DDX46: variants seen among roughly 807,000 people sequenced by gnomAD.
The protein encoded by DDX46 is probable ATP-dependent RNA helicase DDX46.
A neutral mutation model predicts 134.9 loss-of-function variants in DDX46; 30 were observed. The ratio of observed to expected loss-of-function variants is 0.22; its 90% CI spans 0.17 to 0.30. DDX46 has a LOEUF of 0.30. Ranked by LOEUF, DDX46 falls within the 10% of genes least tolerant of loss-of-function variation. DDX46 has a pLI of 1.00. For missense variants in DDX46, 622 were observed against 1,248.7 expected, an observed-to-expected ratio of 0.50 and a Z score of 7.56; for synonymous variants, 415 against 404.1, an observed-to-expected ratio of 1.03 and a Z score of -0.32.
chr5:134,766,177 A>T (rs1401270753), intron 2 of DDX46, among the ~76,000 whole-genome samples: 1 of 152,158 alleles, frequency 6.6e-6, no homozygotes, highest in Non-Finnish European at 1.5e-5. Context: ...GGCTATCTGA[A>T]ACTAGATATT....
intron 19 of DDX46, 56 bp from the exon 20 acceptor site, chr5:134,817,440 C>T: frequency 6.5e-7 from 1 of 1,536,396 alleles, no homozygotes; most frequent in East Asian, 2.3e-5. Flanking sequence ...GTGGTGTGGT[C>T]CCTACTCTTG....
intron 22 of DDX46, among the ~76,000 whole-genome samples, chr5:134,827,956 A>G (rs946336114): frequency 3.9e-5 from 6 of 152,340 alleles, no homozygotes; most frequent in East Asian, 3.9e-4. Flanking sequence ...GGTTACATCA[A>G]TTCACACTCA....
At chr5:134,769,537 G>GT (rs958694405) in intron 3 of DDX46, among the ~76,000 whole-genome samples, 2 of 134,812 alleles carry the variant, frequency 1.5e-5, no homozygotes, top group African/African-American at 5.6e-5. Flanking sequence ...TGTTTTTTTT[G>GT]TTTGTTTTTT....
intron 12 of DDX46, among the ~76,000 whole-genome samples, chr5:134,789,730 C>A (rs1171424045): frequency 6.6e-6 from 1 of 151,998 alleles, no homozygotes. Context: ...ATTGATTCAA[C>A]AGTTGATAGC....
chr5:134,817,247 C>T (rs1755310560), intron 19 of DDX46: 3 of 424,318 alleles, frequency 7.1e-6, no homozygotes, highest in East Asian at 8.2e-5. Flanking sequence ...AACTACATCT[C>T]TATGATCTAG....
intron 15 of DDX46, among the ~76,000 whole-genome samples, chr5:134,806,482 G>A (rs1242582856): frequency 6.6e-6 from 1 of 152,102 alleles, no homozygotes; most frequent in Non-Finnish European, 1.5e-5. Context: ...TGTTAGTAAG[G>A]ATACTTTAGG....
intron 2 of DDX46, among the ~76,000 whole-genome samples, 181 bp downstream of exon 2, chr5:134,764,273 G>C (rs1753488550): frequency 6.9e-6 from 1 of 145,338 alleles, no homozygotes; most frequent in South Asian, 2.2e-4. Flanking sequence ...CTATCAAACA[G>C]TGTTTTTTTT....
At chr5:134,819,170 A>G (rs952617740) in intron 21 of DDX46, among the ~76,000 whole-genome samples, 166 bp downstream of exon 21, 3 of 152,240 alleles carry the variant, frequency 2.0e-5, no homozygotes, top group South Asian at 2.1e-4. Context: ...TAAGAATTTC[A>G]GTACATATGC....
chr5:134,783,104 C>G (rs1344983498), intron 9 of DDX46, 39 bp downstream of exon 9: 2 of 1,606,292 alleles, frequency 1.2e-6, no homozygotes, highest in Non-Finnish European at 1.7e-6. Context: ...CCGTGTCTTG[C>G]TGCTCAAAAT....
intron 3 of DDX46, among the ~76,000 whole-genome samples, chr5:134,768,819 G>A (rs1580773779): frequency 6.6e-6 from 1 of 152,122 alleles, no homozygotes; most frequent in Non-Finnish European, 1.5e-5. Flanking sequence ...CTAGCACTTT[G>A]GGAGGCCGAG....
chr5:134,795,954 A>G, intron 14 of DDX46, 34 bp from the exon 15 acceptor site: 1 of 1,589,852 alleles, frequency 6.3e-7, no homozygotes, highest in Non-Finnish European at 8.6e-7. Context: ...TTGCATTTTC[A>G]CTTCATTAAC....
intron 15 of DDX46, among the ~76,000 whole-genome samples, chr5:134,800,979 G>A (rs1412170554): frequency 2.0e-5 from 3 of 151,482 alleles, no homozygotes; most frequent in Non-Finnish European, 4.4e-5. Flanking sequence ...CTGGCCTCAT[G>A]TATTCTTTTA....
intron 15 of DDX46, among the ~76,000 whole-genome samples, chr5:134,803,613 AG>A (rs1754896455): frequency 6.6e-6 from 1 of 152,196 alleles, no homozygotes; most frequent in Non-Finnish European, 1.5e-5. Flanking sequence ...TGCCAGTGCC[AG>A]TGCAATACTT....
intron 18 of DDX46, among the ~76,000 whole-genome samples, chr5:134,815,415 AT>A (rs1233641994): frequency 6.6e-6 from 1 of 152,058 alleles, no homozygotes; most frequent in African/African-American, 2.4e-5. Context: ...TTTAAAAGAA[AT>A]GCACATAGCA....
At chr5:134,802,159 C>CTTTTTTT (rs542615882) in intron 15 of DDX46, among the ~76,000 whole-genome samples, 25 of 73,234 alleles carry the variant, frequency 3.4e-4, no homozygotes, top group Non-Finnish European at 5.8e-4. Flanking sequence ...TAATTTCTTT[C>CTTTTTTT]TTTTTTTTTT....
chr5:134,777,932 C>T (rs1753998060), intron 6 of DDX46: 1 of 481,098 alleles, frequency 2.1e-6, no homozygotes, highest in African/African-American at 2.0e-5. Context: ...CTTTTAACAC[C>T]ATCAACTTAG....
chr5:134,812,795 G>A (rs7444272), intron 18 of DDX46, among the ~76,000 whole-genome samples: 139,702 of 151,978 alleles, frequency 0.92, 64,454 homozygotes, highest in East Asian at 1. Flanking sequence ...CCACCACCAC[G>A]CCCGGCTGAT....
chr5:134,761,030 GT>G (rs1044974162), intron 1 of DDX46, among the ~76,000 whole-genome samples: 1 of 150,370 alleles, frequency 6.7e-6, no homozygotes, highest in Admixed American at 6.6e-5. Context: ...CACCCGGCCT[GT>G]TTTTTTGTTT....
In DDX46 at chr5:134,783,168, T is replaced by A. The variant is rs538799900; in HGVS notation, c.1166+103T>A. ...TTACATTTTTACTCTAAAAAAACCCTTACGTTTTAAAAAACTTTCATTGAG... is the reference window on the plus strand; with the variant it reads ...TTACATTTTTACTCTAAAAAAACCCATACGTTTTAAAAAACTTTCATTGAG... On this transcript the variant is annotated intron_variant, in intron 9 of 22. Transcript: ENST00000452510. The A allele has an allele frequency of 1.6e-5, 23 of 1,451,166 alleles. No individual in the cohort carries two copies. The South Asian group carries it at 3.1e-4, about 19-fold the overall frequency. 89.9% of individuals were successfully genotyped at this position (1,451,166 alleles called of 1,614,324 possible). A position where few individuals can be genotyped will look rare whatever the true frequency, so the allele number is the denominator to read the frequency against.
Sources: gnomAD v4.1 joint callset for allele counts (sites outside exome capture counted in the v4.1 genomes callset) on GRCh38, gnomAD v4.1.1 for gene constraint, MANE v1.5 for transcripts, NCBI Gene and HGNC (gene_info 2026-07-23, HGNC 2026-07-21) for gene names.